Variants in RPS6KA6 observed in about 807,000 individuals in gnomAD.
RPS6KA6 encodes the protein ribosomal protein S6 kinase alpha-6.
Under a neutral mutation model 65.4 loss-of-function variants are expected in RPS6KA6, and 27 were observed. The observed-to-expected ratio is 0.41, with a 90% confidence interval of 0.30 to 0.57. The LOEUF (loss-of-function observed/expected upper bound fraction) is 0.57, where lower values mean the gene tolerates loss of function less well. RPS6KA6 is among the 20% of genes least tolerant of loss of function. The pLI is 0.24. For missense variants in RPS6KA6, 486 were observed against 555.6 expected (o/e 0.87, Z 1.26); for synonymous variants, 190 against 184.2 (o/e 1.03, Z -0.26).
intron 19 of RPS6KA6, among the ~76,000 whole-genome samples, chrX:84,096,731 A>G (rs192414197): frequency 8.1e-5 from 9 of 111,460 alleles, no homozygotes; most frequent in African/African-American, 2.9e-4. Flanking sequence ...ATTCATTAAC[A>G]TTTCATCATT....
intron 1 of RPS6KA6, among the ~76,000 whole-genome samples, chrX:84,176,010 T>C (rs1193048238): frequency 8.9e-6 from 1 of 112,239 alleles, no homozygotes; most frequent in Non-Finnish European, 1.9e-5. Flanking sequence ...GTACTACTAT[T>C]ACTACTGAGT....
At chrX:84,105,652 GC>G in intron 16 of RPS6KA6, 134 bp downstream of exon 16, 1 of 339,070 alleles carries the variant, frequency 2.9e-6, no homozygotes, top group Non-Finnish European at 5.2e-6. Context: ...AATTAAAGTG[GC>G]AATTTAAGAG....
chrX:84,183,028 C>G (rs2035880249), intron 1 of RPS6KA6, among the ~76,000 whole-genome samples: 1 of 112,021 alleles, frequency 8.9e-6, no homozygotes, highest in African/African-American at 3.2e-5. Context: ...TTTAAGCATT[C>G]TAAGCACGAT....
chrX:84,142,428 A>C (rs2035122600), intron 6 of RPS6KA6, among the ~76,000 whole-genome samples: 1 of 111,396 alleles, frequency 9.0e-6, no homozygotes, highest in Non-Finnish European at 1.9e-5. Context: ...GCCTCAAATC[A>C]ATAACTTCAG....
intron 21 of RPS6KA6, among the ~76,000 whole-genome samples, 166 bp downstream of exon 21, chrX:84,064,805 T>C (rs1048275510): frequency 7.2e-5 from 8 of 111,646 alleles, no homozygotes; most frequent in Non-Finnish European, 7.5e-5. Flanking sequence ...TGAAAGGCAG[T>C]AGTAAAGTAA....
chrX:84,107,891 C>A (rs1255062864), intron 12 of RPS6KA6, among the ~76,000 whole-genome samples, 166 bp from the exon 13 acceptor site: 2 of 111,843 alleles, frequency 1.8e-5, no homozygotes, highest in African/African-American at 6.5e-5. Context: ...AGATAATGTT[C>A]AAGATGTAAT....
Position 84,062,792 on chromosome X carries a change from C to G in RPS6KA6, c.*1485G>C, listed in dbSNP as rs2033321526. 2 of 111,373 alleles carry G rather than the reference C, an allele frequency of 1.8e-5. No homozygotes were observed. Among genetic ancestry groups the G allele is most frequent in the Admixed American group, 1.9e-4 (2 of 10,431 alleles). The allele number at this position is 111,373 out of a possible 1,213,427, so 9.2% of individuals were successfully genotyped here. A position where few individuals can be genotyped will look rare whatever the true frequency, so the allele number is the denominator to read the frequency against. On this transcript the variant is annotated 3_prime_UTR_variant, in exon 22 of 22. Transcript: ENST00000262752. ...AATTCAGCACTCAGTAATCAACTTT[C>G]TCTCTGAATAAAGCAAAATAAAATA... is the stretch of plus-strand genomic sequence containing the variant.
At chrX:84,065,825 C>T (rs1186394083) in intron 20 of RPS6KA6, among the ~76,000 whole-genome samples, 1 of 112,071 alleles carries the variant, frequency 8.9e-6, no homozygotes, top group African/African-American at 3.2e-5. Flanking sequence ...TTCGGAGAAT[C>T]TGGCAAGATG....
chrX:84,109,237 C>T (rs1354810157), intron 12 of RPS6KA6, among the ~76,000 whole-genome samples: 1 of 112,232 alleles, frequency 8.9e-6, no homozygotes, highest in East Asian at 2.8e-4. Flanking sequence ...CAGTGAAAGG[C>T]CAGCAGCCCA....
intron 1 of RPS6KA6, among the ~76,000 whole-genome samples, chrX:84,179,504 A>C (rs1404871487): frequency 3.6e-5 from 4 of 112,050 alleles, no homozygotes; most frequent in Non-Finnish European, 5.6e-5. Flanking sequence ...CACAGCAATA[A>C]AAAAGAAAGA....
intron 8 of RPS6KA6, among the ~76,000 whole-genome samples, chrX:84,122,873 T>G (rs748760430): frequency 1.8e-5 from 2 of 111,642 alleles, no homozygotes; most frequent in East Asian, 5.7e-4. Context: ...CCAGGGTGGC[T>G]AAGGGAGTAC....
intron 20 of RPS6KA6, among the ~76,000 whole-genome samples, chrX:84,067,368 C>A (rs1301154914): frequency 9.0e-6 from 1 of 110,792 alleles, no homozygotes; most frequent in African/African-American, 3.3e-5. Context: ...CCAAGGAAGG[C>A]AAGAAACTTG....
At chrX:84,107,177 T>C in intron 13 of RPS6KA6, 137 bp from the exon 14 acceptor site, 1 of 492,558 alleles carries the variant, frequency 2.0e-6, no homozygotes, top group Non-Finnish European at 3.2e-6. Context: ...ATATATTATC[T>C]GTCTCCTCCC....
chrX:84,146,605 A>G (rs1235545170), intron 5 of RPS6KA6, among the ~76,000 whole-genome samples: 1 of 111,920 alleles, frequency 8.9e-6, no homozygotes, highest in Non-Finnish European at 1.9e-5. Context: ...CTGGAATATA[A>G]CCAGGAAACA....
intron 8 of RPS6KA6, among the ~76,000 whole-genome samples, chrX:84,131,441 G>A (rs1157700812): frequency 8.9e-6 from 1 of 111,973 alleles, no homozygotes; most frequent in Non-Finnish European, 1.9e-5. Flanking sequence ...ACTGAAACTT[G>A]TAAACTCTGC....
At chrX:84,163,500 G>A (rs369754166) in intron 2 of RPS6KA6, among the ~76,000 whole-genome samples, 2 of 105,426 alleles carry the variant, frequency 1.9e-5, no homozygotes, top group African/African-American at 6.9e-5. Flanking sequence ...TTAGCCGGGC[G>A]CGGTGGCGGG....
At position 84,105,815 on chromosome X, in the gene RPS6KA6, T is replaced by C; in HGVS notation, c.1427A>G (p.Gln476Arg). 1 of 1,167,392 alleles carries C rather than the reference T, an allele frequency of 8.6e-7. No individual in the cohort carries two copies. Among genetic ancestry groups the C allele is most frequent in the Non-Finnish European group, 1.2e-6 (1 of 861,001 alleles). The part of the protein sequence containing the change: ...EEIEILMRYG[Q>R]HPNIITLKDV... Reference sequence around the variant, plus strand: ...CTTCAAAGTAATAATGTTGGGATGTTGTCCATAGCGCATCAATATTTCAAT... The same window carrying C: ...CTTCAAAGTAATAATGTTGGGATGTCGTCCATAGCGCATCAATATTTCAAT... Residue 476 changes from glutamine (Q) to arginine (R), a missense_variant, in exon 16 of 22, where the codon CAA becomes CGA. Physicochemically the swap from Gln to Arg is conservative, Grantham distance 43 (BLOSUM62 1). Transcript: ENST00000262752.
intron 17 of RPS6KA6, among the ~76,000 whole-genome samples, chrX:84,103,627 A>G (rs978109491): frequency 1.8e-5 from 2 of 111,364 alleles, no homozygotes; most frequent in African/African-American, 6.5e-5. Flanking sequence ...ATACAATAAT[A>G]AAGAAGAGAC....
At chrX:84,129,535 A>G (rs955359561) in intron 8 of RPS6KA6, among the ~76,000 whole-genome samples, 1 of 111,716 alleles carries the variant, frequency 9.0e-6, no homozygotes, top group Non-Finnish European at 1.9e-5. Context: ...CAATGAAGAG[A>G]TATCTGTACT....
Sources: gnomAD v4.1 joint callset for allele counts (sites outside exome capture counted in the v4.1 genomes callset) on GRCh38, gnomAD v4.1.1 for gene constraint, MANE v1.5 for transcripts, NCBI Gene and HGNC (gene_info 2026-07-23, HGNC 2026-07-21) for gene names.